TTC39B: variants seen among roughly 807,000 people sequenced by gnomAD.
The protein encoded by TTC39B is tetratricopeptide repeat protein 39B.
Under a neutral mutation model 96.6 loss-of-function variants are expected in TTC39B, and 92 were observed. That is an observed-to-expected ratio of 0.95 (90% CI 0.80 to 1.13). The LOEUF is 1.13. TTC39B is among the 50% of genes most tolerant of loss of function. TTC39B has a pLI of 0.00. For synonymous variants in TTC39B, 367 were observed against 299.4 expected (o/e 1.23, Z -2.33); for missense variants, 955 against 809.3 (o/e 1.18, Z -2.18).
At position 15,185,421 on chromosome 9, in the gene TTC39B, A is replaced by G. The variant is rs1564320071; in HGVS notation, c.1488-15T>C. On this transcript the variant is annotated splice_polypyrimidine_tract_variant and intron_variant, in intron 15 of 19. Transcript: ENST00000512701. ...TGTCCACCTGTCTGTGAAGAACCCCAGCCCAGCCCCAGAGAAAGGTCATGG... is the reference window on the plus strand; with the variant it reads ...TGTCCACCTGTCTGTGAAGAACCCCGGCCCAGCCCCAGAGAAAGGTCATGG... 1.9e-6 allele frequency: 3 copies of G among 1,613,082 alleles called. No homozygotes were observed. In the South Asian group the frequency reaches 3.3e-5, roughly 18 times the overall value.
chr9:15,299,720 C>T (rs748113171), intron 1 of TTC39B, among the ~76,000 whole-genome samples: 4 of 152,114 alleles, frequency 2.6e-5, no homozygotes, highest in Non-Finnish European at 5.9e-5. Flanking sequence ...GGAGATTGGT[C>T]GGCTGTCAAC....
intron 1 of TTC39B, among the ~76,000 whole-genome samples, chr9:15,291,006 T>C (rs112961965): frequency 3.9e-5 from 6 of 152,342 alleles, no homozygotes; most frequent in Non-Finnish European, 5.9e-5. Context: ...TTTAAGTGTA[T>C]TGAGATAATG....
intron 1 of TTC39B, among the ~76,000 whole-genome samples, chr9:15,280,594 G>C (rs1823724162): frequency 6.6e-6 from 1 of 152,218 alleles, no homozygotes; most frequent in Non-Finnish European, 1.5e-5. Flanking sequence ...CCAACTATGT[G>C]TGGCCCGAAC....
rs1818297605 is a variant in TTC39B, at chr9:15,182,431, G to A, written c.1615-16C>T. On this transcript the variant is annotated splice_polypyrimidine_tract_variant and intron_variant, in intron 16 of 19. Coordinates refer to ENST00000512701, the Ensembl canonical transcript of TTC39B. ...ACATCATTTCCTAATGAGGAAAAAT[G>A]AAAACCATTTGCAGTTATATGAGGT... 2 of 1,571,780 alleles carry A rather than the reference G, an allele frequency of 1.3e-6. No homozygotes were observed. Among genetic ancestry groups the A allele is most frequent in the East Asian group, 2.3e-5 (1 of 44,434 alleles).
intron 3 of TTC39B, among the ~76,000 whole-genome samples, chr9:15,217,544 A>C (rs144669655): frequency 6.6e-6 from 1 of 152,270 alleles, no homozygotes; most frequent in African/African-American, 2.4e-5. Flanking sequence ...TTCTGTAAGG[A>C]ATGACCAGGA....
chr9:15,201,143 T>C (rs1014820745), intron 7 of TTC39B, among the ~76,000 whole-genome samples: 4 of 152,082 alleles, frequency 2.6e-5, no homozygotes, highest in Non-Finnish European at 5.9e-5. Flanking sequence ...CTAATTATTA[T>C]AAGAATCAAT....
intron 16 of TTC39B, among the ~76,000 whole-genome samples, chr9:15,183,074 A>T (rs1307884108): frequency 6.6e-6 from 1 of 152,172 alleles, no homozygotes; most frequent in African/African-American, 2.4e-5. Flanking sequence ...TGTTCCTGAT[A>T]GTGCAGTTCG....
At chr9:15,180,804 A>T (rs1818210187) in intron 17 of TTC39B, among the ~76,000 whole-genome samples, 1 of 152,228 alleles carries the variant, frequency 6.6e-6, no homozygotes, top group South Asian at 2.1e-4. Flanking sequence ...CTTGCATAAA[A>T]GAAGTCCTAG....
intron 19 of TTC39B, among the ~76,000 whole-genome samples, chr9:15,174,602 A>T (rs1018337505): frequency 6.6e-6 from 1 of 152,254 alleles, no homozygotes; most frequent in African/African-American, 2.4e-5. Context: ...CTAGGACCCA[A>T]GGGCCAAATC....
chr9:15,188,906 G>A (rs1261053175), intron 13 of TTC39B, among the ~76,000 whole-genome samples: 1 of 152,104 alleles, frequency 6.6e-6, no homozygotes, highest in Non-Finnish European at 1.5e-5. Flanking sequence ...GTTCACAACA[G>A]TTTGTAGTGG....
At chr9:15,186,844 T>C in intron 15 of TTC39B, 100 bp downstream of exon 15, 1 of 1,066,808 alleles carries the variant, frequency 9.4e-7, no homozygotes, top group South Asian at 1.3e-5. Flanking sequence ...TACAAGCACA[T>C]GCCACCAGGC....
intron 1 of TTC39B, among the ~76,000 whole-genome samples, chr9:15,299,944 T>G (rs1462702266): frequency 6.6e-6 from 1 of 151,318 alleles, no homozygotes; most frequent in East Asian, 1.9e-4. Context: ...AAAGTTTCAC[T>G]AGAAAAACAG....
chr9:15,244,798 A>C (rs1370172393), intron 2 of TTC39B, among the ~76,000 whole-genome samples: 1 of 152,156 alleles, frequency 6.6e-6, no homozygotes, highest in African/African-American at 2.4e-5. Context: ...GAGCAAATAC[A>C]GGTTTTCAGT....
At chr9:15,303,917 G>A (rs538998087) in intron 1 of TTC39B, among the ~76,000 whole-genome samples, 4 of 152,320 alleles carry the variant, frequency 2.6e-5, no homozygotes, top group South Asian at 2.1e-4. Context: ...TTACAGGCAT[G>A]AGCCACCACA....
At chr9:15,187,773 T>C (rs74472517) in intron 14 of TTC39B, among the ~76,000 whole-genome samples, 198 bp downstream of exon 14, 3,227 of 152,344 alleles carry the variant, frequency 0.021, 124 homozygotes, top group African/African-American at 0.074. Context: ...AAAAGAACAG[T>C]AGATGGCTTT....
rs139031679 is a variant in TTC39B at position 15,280,359 on chromosome 9, C to G, written c.241-12411G>C. ...CTGTCCCTTTACAGAAAAAGTTTGCCTACGTTTGCGCAATGAATGAAACAT... is the reference window on the plus strand; with the variant it reads ...CTGTCCCTTTACAGAAAAAGTTTGCGTACGTTTGCGCAATGAATGAAACAT... On this transcript the variant is annotated intron_variant, in intron 1 of 19. Coordinates refer to ENST00000512701, the Ensembl canonical transcript of TTC39B. 7.2e-5 allele frequency among the ~76,000 whole-genome samples: 11 copies of G among 152,276 alleles called. No individual in the cohort carries two copies. In the East Asian group the frequency reaches 2.1e-3, roughly 29 times the overall value.
Position 15,307,083 on chromosome 9 carries a change from C to T in TTC39B, c.240+1G>A. 2 of 1,609,596 alleles carry T rather than the reference C, an allele frequency of 1.2e-6. No homozygotes were observed. The highest frequency in any genetic ancestry group is 2.2e-5 in the South Asian group (2 of 90,190). On this transcript the variant is annotated splice_donor_variant, in intron 1 of 19. Coordinates refer to ENST00000512701, the Ensembl canonical transcript of TTC39B. LOFTEE classifies it high-confidence loss of function. ...GGCCCGCAATCCCCATCGGATCGTA[C>T]CTCGTCCGCTTCCAGCTCCGCTCGG...
intron 6 of TTC39B, 54 bp downstream of exon 6, chr9:15,210,034 G>C: frequency 7.9e-7 from 1 of 1,265,738 alleles, no homozygotes; most frequent in Non-Finnish European, 1.1e-6. Flanking sequence ...TTTATGAGAT[G>C]ATCATTTAAC....
chr9:15,280,451 T>G (rs1823717502), intron 1 of TTC39B, among the ~76,000 whole-genome samples: 1 of 152,192 alleles, frequency 6.6e-6, no homozygotes, highest in Non-Finnish European at 1.5e-5. Flanking sequence ...TAAAAATCTA[T>G]AAAGTTCAAA....
Sources: allele counts gnomAD v4.1 joint callset (sites outside exome capture counted in the v4.1 genomes callset), GRCh38; gene constraint gnomAD v4.1.1; transcripts MANE v1.5; gene names NCBI Gene and HGNC (gene_info 2026-07-23, HGNC 2026-07-21).